The following AKNA variants were observed in gnomAD, a reference collection of about 807,000 sequenced individuals.
AKNA encodes AT-hook transcription factor, also known as microtubule organization protein AKNA.
In AKNA, 67 loss-of-function variants were observed where a neutral mutation model predicts 138.8. The observed-to-expected ratio is 0.48, with a 90% CI of 0.40 to 0.59. AKNA has a LOEUF of 0.59. Among genes scored for constraint, AKNA ranks in the 20% least tolerant of loss-of-function variants. The pLI, the probability that AKNA is intolerant of heterozygous loss-of-function variation, is 0.00. For synonymous variants in AKNA, 737 were observed against 754.4 expected (o/e 0.98, Z 0.38); for missense variants, 1,813 against 1,880.4 (o/e 0.96, Z 0.66).
At chr9:114,395,433 C>T (rs1281409454), upstream of AKNA, among the ~76,000 whole-genome samples, 4 of 152,072 alleles carry the variant, frequency 2.6e-5, no homozygotes, top group African/African-American at 4.8e-5. Context: ...CCCTGCTTAA[C>T]GACCATCCGT....
intron 19 of AKNA, among the ~76,000 whole-genome samples, chr9:114,342,612 G>A (rs537838834): frequency 2.8e-4 from 43 of 152,228 alleles, no homozygotes; most frequent in Middle Eastern, 3.4e-3. Context: ...GGGAACAGGA[G>A]GAGAGTGGGT....
At position 114,387,855 on chromosome 9, in the gene AKNA, C is replaced by G. The variant is rs757015073; in HGVS notation, c.-114+5G>C. On this transcript the variant is annotated splice_donor_5th_base_variant and intron_variant, in intron 1 of 21. Transcript: ENST00000374088. ...CCCGGGCCCTCCTCCGTTCCAATCC[C>G]TTACCTCTCTCGGGCTCCACCACCG... The G allele has an allele frequency of 2.2e-6, 1 of 453,250 alleles. No homozygotes were observed. The highest frequency in any genetic ancestry group is 2.0e-5 in the African/African-American group (1 of 50,050). The allele number at this position is 453,250 out of a possible 1,614,324, so 28.1% of individuals were successfully genotyped here.
intron 3 of AKNA, among the ~76,000 whole-genome samples, chr9:114,375,735 G>T (rs571539958): frequency 6.6e-6 from 1 of 152,004 alleles, no homozygotes; most frequent in Non-Finnish European, 1.5e-5. Context: ...TTGTGGATGC[G>T]GGGGGTAGGT....
intron 4 of AKNA, 126 bp from the exon 5 acceptor site, chr9:114,368,721 G>C: frequency 1.2e-6 from 1 of 863,732 alleles, no homozygotes; most frequent in Non-Finnish European, 1.6e-6. Context: ...TTTCAGTGCA[G>C]CCCTTGGCTA....
intron 14 of AKNA, among the ~76,000 whole-genome samples, chr9:114,354,769 T>C (rs1831371813): frequency 1.3e-5 from 2 of 150,580 alleles, no homozygotes; most frequent in Admixed American, 6.6e-5. Flanking sequence ...AAATACACTC[T>C]AAAATAATGA....
At chr9:114,398,013 G>A (rs1332912914), upstream of AKNA, among the ~76,000 whole-genome samples, 1 of 152,138 alleles carries the variant, frequency 6.6e-6, no homozygotes. The surrounding 1 kb of genome is among the most constrained non-coding windows in gnomAD (Gnocchi z 4.2). Flanking sequence ...ACAGCAACCC[G>A]GGCCACGCCT....
rs1003681507 is a variant in AKNA at position 114,364,601 on chromosome 9, G to A, written c.1747C>T (p.Leu583=). The change falls in exon 7 of 22, where the codon CTG becomes TTG. Residue 583 remains leucine (L), a synonymous_variant. Transcript: ENST00000374088. The part of the protein sequence containing the change: ...FLAKVESFER[L]IQAGRLMPQD... ...GGCATGAGACGTCCTGCCTGTATCAGTCTTTCAAAGGACTCCACCTGGACA... is the reference window on the plus strand; with the variant it reads ...GGCATGAGACGTCCTGCCTGTATCAATCTTTCAAAGGACTCCACCTGGACA... 1 of 1,614,000 alleles carries A rather than the reference G, an allele frequency of 6.2e-7. No homozygotes were observed. Among genetic ancestry groups the A allele is most frequent in the Admixed American group, 1.7e-5 (1 of 60,026 alleles).
chr9:114,389,343 A>T (rs2132146336), upstream of AKNA, among the ~76,000 whole-genome samples: 1 of 152,270 alleles, frequency 6.6e-6, no homozygotes, highest in South Asian at 2.1e-4. Flanking sequence ...AGAAAGAGGA[A>T]AAAAAACAGG....
Position 114,359,694 on chromosome 9 carries a change from C to A in AKNA, c.2392G>T (p.Val798Phe). The change falls in exon 11 of 22, where the codon GTT (valine) becomes TTT (phenylalanine). Residue 798 changes from valine to phenylalanine, a missense_variant. Transcript: ENST00000374088. ...CCTGGAGTTGCAGCCACCCCATCAACTTCCAGGGAGTCACCTCCCCCCTCT... is the reference window on the plus strand; with the variant it reads ...CCTGGAGTTGCAGCCACCCCATCAAATTCCAGGGAGTCACCTCCCCCCTCT... ...EEEGGGDSLE[V>F]DGVAATPGKA... is the part of the protein sequence containing the mutation. 6.2e-7 allele frequency: 1 copy of A among 1,612,824 alleles called. No homozygotes were observed. The highest frequency in any genetic ancestry group is 1.7e-4 in the Middle Eastern group (1 of 6,056).
chr9:114,386,146 T>C (rs529166924), intron 1 of AKNA, among the ~76,000 whole-genome samples: 2 of 152,274 alleles, frequency 1.3e-5, no homozygotes, highest in East Asian at 3.9e-4. Context: ...CAAAGATACA[T>C]ACTGAGCACC....
At chr9:114,355,847 T>C in intron 14 of AKNA, 78 bp downstream of exon 14, 1 of 1,444,360 alleles carries the variant, frequency 6.9e-7, no homozygotes, top group South Asian at 1.3e-5. Context: ...ATATGTCATA[T>C]CCTAAAGGGT....
downstream of AKNA, chr9:114,331,634 C>T (rs1444809568): frequency 6.2e-7 from 1 of 1,613,934 alleles, no homozygotes; most frequent in Non-Finnish European, 8.5e-7. Context: ...TGTTTGGTTC[C>T]TACCTGGACG....
rs184223178 is a variant in AKNA, at chr9:114,370,625, C to A, written c.1417-2030G>T. 2.2e-4 allele frequency among the ~76,000 whole-genome samples: 34 copies of A among 152,294 alleles called. 2 individuals carry two copies. In the East Asian group the frequency reaches 6.6e-3, roughly 29 times the overall value. ...ACAGCCAGGGTGTCCCGGGTGCTCC[C>A]CAAGGCTGGATTCACTCCCTTGGGG... On this transcript the variant is annotated intron_variant, in intron 4 of 21. Transcript: ENST00000374088.
In AKNA at chr9:114,341,979, G is replaced by C. The variant is rs746077165; in HGVS notation, c.3874+30C>G. ...CTGGTCAAGGAGAGCTGAGGGTCTG[G>C]CTAAGAGAAGAAACAGTATTTGTCC... On this transcript the variant is annotated intron_variant, in intron 20 of 21. Transcript: ENST00000374088. 2.6e-5 allele frequency: 41 copies of C among 1,583,694 alleles called. No homozygotes were observed. In the South Asian group the frequency reaches 4.4e-4, roughly 17 times the overall value.
At chr9:114,366,106 C>A (rs1832332444) in intron 6 of AKNA, among the ~76,000 whole-genome samples, 2 of 151,922 alleles carry the variant, frequency 1.3e-5, no homozygotes, top group African/African-American at 4.8e-5. Flanking sequence ...TGGTGAAACC[C>A]CATCTCTACT....
At chr9:114,354,412 T>C (rs1002917490) in intron 14 of AKNA, among the ~76,000 whole-genome samples, 1 of 152,184 alleles carries the variant, frequency 6.6e-6, no homozygotes, top group African/African-American at 2.4e-5. Context: ...CCTGAGGCTA[T>C]TTAATAGTTA....
chr9:114,330,727 T>C (rs115030497), downstream of AKNA: 9,568 of 1,598,786 alleles, frequency 6.0e-3, 607 homozygotes, highest in African/African-American at 0.11. Flanking sequence ...GGGACTGTGA[T>C]GGGCGATTGG....
chr9:114,363,569 G>C (rs978241599), intron 7 of AKNA, among the ~76,000 whole-genome samples: 1 of 152,190 alleles, frequency 6.6e-6, no homozygotes, highest in Non-Finnish European at 1.5e-5. Context: ...TAACCACACA[G>C]GAAATATCCT....
intron 20 of AKNA, 103 bp from the exon 21 acceptor site, chr9:114,341,828 G>T: frequency 7.2e-7 from 1 of 1,386,504 alleles, no homozygotes; most frequent in Admixed American, 2.1e-5. Context: ...GAGCTGGACA[G>T]GCCCTACCCT....
Sources: gnomAD v4.1 joint callset for allele counts (sites outside exome capture counted in the v4.1 genomes callset) on GRCh38, gnomAD v4.1.1 for gene constraint, Gnocchi (gnomAD v3.1) non-coding constraint, MANE v1.5 for transcripts, NCBI Gene and HGNC (gene_info 2026-07-23, HGNC 2026-07-21) for gene names.